UNC80: variants seen among roughly 807,000 people sequenced by gnomAD.
UNC80 encodes the protein unc-80 subunit of NALCN channel complex.
UNC80 carries 164 observed loss-of-function variants against 384.6 expected under a neutral mutation model. The ratio of observed to expected loss-of-function variants is 0.43; its 90% CI spans 0.38 to 0.49. The LOEUF is 0.49. Ranked by LOEUF, UNC80 falls within the 20% of genes least tolerant of loss-of-function variation. UNC80 has a pLI of 0.00. For synonymous variants in UNC80, 1,486 were observed against 1,527.8 expected, an observed-to-expected ratio of 0.97 and a Z score of 0.64; for missense variants, 3,330 against 4,143.0, an observed-to-expected ratio of 0.80 and a Z score of 5.39.
At chr2:209,935,652 T>C in intron 39 of UNC80, 62 bp from the exon 40 acceptor site, 1 of 792,266 alleles carries the variant, frequency 1.3e-6, no homozygotes, top group Non-Finnish European at 1.9e-6. Flanking sequence ...TAATATTTTA[T>C]GCTTTAAAAT....
rs778116735 is a variant in UNC80 at position 209,976,867 on chromosome 2, A to G, written c.8773-46A>G. The stretch of plus-strand genomic sequence containing the variant: ...ATAGGTACAGCAATTAGCCCATTTT[A>G]TGGATGGAAAATTGAGGCCCTGAGA... On this transcript the variant is annotated intron_variant, in intron 57 of 64. Transcript: ENST00000673920. The surrounding 1 kb of genome is among the most constrained non-coding windows in gnomAD (Gnocchi z 4.3). The G allele has an allele frequency of 6.8e-6, 10 of 1,470,418 alleles. No individual in the cohort carries two copies. The highest frequency in any genetic ancestry group is 1.8e-4 in the Middle Eastern group (1 of 5,628). 91.1% of individuals were successfully genotyped at this position (1,470,418 alleles called of 1,614,324 possible). A position where few individuals can be genotyped will look rare whatever the true frequency, so the allele number is the denominator to read the frequency against.
At chr2:209,883,649 G>T (rs1292445357) in intron 25 of UNC80, among the ~76,000 whole-genome samples, 7 of 151,964 alleles carry the variant, frequency 4.6e-5, no homozygotes, top group Non-Finnish European at 1.5e-5. Context: ...TAGCCAAGAT[G>T]GTCTTGATTT....
chr2:209,905,060 T>C, intron 29 of UNC80, 95 bp downstream of exon 29: 1 of 1,308,996 alleles, frequency 7.6e-7, no homozygotes. Flanking sequence ...GCAAATGCAA[T>C]TGTAACAATC....
chr2:209,838,066 CG>C (rs1342570051), intron 18 of UNC80, among the ~76,000 whole-genome samples: 1 of 152,130 alleles, frequency 6.6e-6, no homozygotes, highest in Non-Finnish European at 1.5e-5. Flanking sequence ...CCACTGCGCC[CG>C]GCCTTGTACC....
chr2:209,839,459 A>AT lies in UNC80; in HGVS notation c.3250+31dup. The AT allele has an allele frequency of 1.3e-6, 2 of 1,550,222 alleles. No homozygotes were observed. Among genetic ancestry groups the AT allele is most frequent in the Non-Finnish European group, 1.7e-6 (2 of 1,145,634 alleles). ...AAAGTATGTCTGTATTTGTTTATGGATTATCTTATTACCAACCATGTCCTC... is the reference window on the plus strand; with the variant it reads ...AAAGTATGTCTGTATTTGTTTATGGATTTATCTTATTACCAACCATGTCCTC... On this transcript the variant is annotated intron_variant, in intron 19 of 64. Coordinates refer to ENST00000673920, the MANE Select transcript of UNC80 (RefSeq NM_001371986.1). The surrounding 1 kb of genome is among the most constrained non-coding windows in gnomAD (Gnocchi z 4.1).
intron 47 of UNC80, 88 bp from the exon 48 acceptor site, chr2:209,954,012 C>T (rs2092306287): frequency 7.3e-7 from 1 of 1,377,824 alleles, no homozygotes; most frequent in Non-Finnish European, 9.6e-7. Context: ...TCTCTAGATG[C>T]TTTTCATTGT....
intron 48 of UNC80, among the ~76,000 whole-genome samples, chr2:209,955,691 T>C (rs2092369621): frequency 1.6e-5 from 1 of 61,430 alleles, no homozygotes; most frequent in Non-Finnish European, 3.2e-5. Flanking sequence ...ACTGTATTTC[T>C]AATATATATA....
chr2:209,866,531 C>CAG lies in UNC80; in HGVS notation c.3628-6226_3628-6225insGA, dbSNP rs1381638930. ...ACACACACACACACACACACACACA[C>CAG]ACAGAGAGAGAGAGAGAGAGAGAGA... On this transcript the variant is annotated intron_variant, in intron 22 of 64. Transcript: ENST00000673920. 7.8e-3 allele frequency among the ~76,000 whole-genome samples: 954 copies of CAG among 121,662 alleles called. 3 individuals are homozygous for CAG. The highest frequency in any genetic ancestry group is 0.02 in the South Asian group (65 of 3,260). 79.8% of individuals were successfully genotyped at this position (121,662 alleles called of 152,430 possible).
At position 209,929,866 on chromosome 2, in the gene UNC80, T is replaced by A; in HGVS notation, c.5807-5T>A. ...CAAATGTTCAACTTTCTTTCTCTTC[T>A]GAAGTGAGTGCTGTGGCTCAACAAG... On this transcript the variant is annotated splice_polypyrimidine_tract_variant and splice_region_variant and intron_variant, in intron 36 of 64. Coordinates refer to ENST00000673920, the MANE Select transcript of UNC80 (RefSeq NM_001371986.1). 6.6e-7 allele frequency: 1 copy of A among 1,517,872 alleles called. No individual in the cohort carries two copies. 94.0% of individuals were successfully genotyped at this position (1,517,872 alleles called of 1,614,324 possible).
At chr2:209,907,291 C>CAAAAAAAAA (rs35210647) in intron 29 of UNC80, among the ~76,000 whole-genome samples, 2 of 68,660 alleles carry the variant, frequency 2.9e-5, no homozygotes, top group Non-Finnish European at 2.9e-5. Context: ...CAATAATGGG[C>CAAAAAAAAA]AAAAAAAAAA....
intron 2 of UNC80, among the ~76,000 whole-genome samples, chr2:209,774,528 A>G (rs1241397184): frequency 5.9e-5 from 9 of 152,220 alleles, no homozygotes; most frequent in Non-Finnish European, 1.0e-4. Context: ...TTTTAAAAAA[A>G]TTATTAAAAG....
intron 4 of UNC80, among the ~76,000 whole-genome samples, chr2:209,783,784 A>G (rs996027873): frequency 6.6e-5 from 10 of 152,152 alleles, no homozygotes; most frequent in Admixed American, 6.5e-4. Flanking sequence ...TCAGAAACTA[A>G]TCAATAAAAC....
intron 62 of UNC80, among the ~76,000 whole-genome samples, chr2:209,992,706 T>C (rs35132365): frequency 6.6e-6 from 1 of 152,234 alleles, no homozygotes; most frequent in African/African-American, 2.4e-5. Context: ...AGAGGAAGAT[T>C]TGTTATACAG....
At position 209,842,398 on chromosome 2, in the gene UNC80, G is replaced by C. The variant is rs1371190589; in HGVS notation, c.3406G>C (p.Gly1136Arg). 8 of 1,550,928 alleles carry C rather than the reference G, an allele frequency of 5.2e-6. No individual in the cohort carries two copies. Among genetic ancestry groups the C allele is most frequent in the Non-Finnish European group, 7.0e-6 (8 of 1,146,666 alleles). Residue 1136 changes from glycine (G) to arginine (R), a missense_variant, in exon 21 of 65, where the codon GGC becomes CGC. This residue lies in a region of UNC80 where 801 missense variants were observed against 950.8 expected (regional missense o/e 0.84). Coordinates refer to ENST00000673920, the MANE Select transcript of UNC80 (RefSeq NM_001371986.1). ...GCTTTCTGAAGGTGGGCCAGGAAGT[G>C]GCATGGAAAATGGAAGAGATGAAGA... Reference protein sequence around the residue: ...VKLSEGGPGSGMENGRDEEEN... With the variant: ...VKLSEGGPGSRMENGRDEEEN...
intron 24 of UNC80, among the ~76,000 whole-genome samples, chr2:209,879,286 A>C: frequency 6.6e-6 from 1 of 152,198 alleles, no homozygotes; most frequent in Middle Eastern, 3.2e-3. Context: ...ATTCTAAGCC[A>C]TCCTGGAACT....
chr2:209,807,843 G>A (rs957747906), intron 7 of UNC80, among the ~76,000 whole-genome samples: 1 of 152,184 alleles, frequency 6.6e-6, no homozygotes, highest in South Asian at 2.1e-4. Flanking sequence ...GTGCAGTACA[G>A]CTCACACATT....
At chr2:209,829,765 A>C (rs2080816698) in intron 15 of UNC80, among the ~76,000 whole-genome samples, 1 of 152,208 alleles carries the variant, frequency 6.6e-6, no homozygotes, top group Non-Finnish European at 1.5e-5. Context: ...TATAACGTAC[A>C]GGCATTATAG....
intron 45 of UNC80, 52 bp from the exon 46 acceptor site, chr2:209,944,999 A>G: frequency 6.5e-7 from 1 of 1,536,334 alleles, no homozygotes; most frequent in Non-Finnish European, 8.8e-7. Context: ...CTGTCAAGTT[A>G]TAGTTTTACT....
rs554502512 is a variant in UNC80 at position 209,836,109 on chromosome 2, A to G, written c.3041+1099A>G. 3.3e-5 allele frequency among the ~76,000 whole-genome samples: 5 copies of G among 152,350 alleles called. No homozygotes were observed. The East Asian group carries it at 7.7e-4, about 24-fold the overall frequency. ...ATTTCATGAATGAATGAATGATTCA[A>G]TCAATCAATGAAAGGATAAAAGTGT... On this transcript the variant is annotated intron_variant, in intron 18 of 64. Transcript: ENST00000673920.
Sources: allele counts gnomAD v4.1 joint callset (sites outside exome capture counted in the v4.1 genomes callset), GRCh38; gene constraint gnomAD v4.1.1; regional missense constraint gnomAD v4.1.1; non-coding constraint Gnocchi (gnomAD v3.1); transcripts MANE v1.5; gene names NCBI Gene and HGNC (gene_info 2026-07-23, HGNC 2026-07-21).